Variants in PYURF observed in about 807,000 individuals in gnomAD.
The protein encoded by PYURF is PIGY upstream open reading frame.
Under a neutral mutation model 8.0 loss-of-function variants are expected in PYURF, and 9 were observed. That is an observed-to-expected ratio of 1.13 (90% CI 0.68 to 1.97). PYURF has a LOEUF of 1.97. Ranked by LOEUF, PYURF falls within the 30% of genes most tolerant of loss-of-function variation. PYURF has a pLI of 0.00. For synonymous variants in PYURF, 56 were observed against 68.3 expected (o/e 0.82, Z 0.89); for missense variants, 130 against 158.0 (o/e 0.82, Z 0.95).
At position 88,521,309 on chromosome 4, in the gene PYURF, C is replaced by A. The variant is rs1174993471; in HGVS notation, c.*579G>T. ...GGAATAAGAAATAGTCATCACATGT[C>A]AATTAGGGATGTTCATCTCCAACCA... On this transcript the variant is annotated 3_prime_UTR_variant, in exon 2 of 2. Coordinates refer to ENST00000273968, the MANE Select transcript of PYURF (RefSeq NM_032906.5). 5 of 416,926 alleles carry A rather than the reference C, an allele frequency of 1.2e-5. No homozygotes were observed. The highest frequency in any genetic ancestry group is 1.3e-5 in the Non-Finnish European group (3 of 231,892). The allele number at this position is 416,926 out of a possible 1,614,324, so 25.8% of individuals were successfully genotyped here.
At chr4:88,523,423 C>G (rs1742452343) in intron 1 of PYURF, 75 bp downstream of exon 1, 5 of 1,481,610 alleles carry the variant, frequency 3.4e-6, no homozygotes, top group Non-Finnish European at 4.6e-6. Flanking sequence ...CCAGTGGCTG[C>G]AAGAGGCCGC....
chr4:88,523,422 G>C (rs965337661), intron 1 of PYURF, 76 bp downstream of exon 1: 1 of 1,471,658 alleles, frequency 6.8e-7, no homozygotes, highest in Non-Finnish European at 9.3e-7. Context: ...CCCAGTGGCT[G>C]CAAGAGGCCG....
At position 88,521,833 on chromosome 4, in the gene PYURF, T is replaced by C. The variant is rs1439465992; in HGVS notation, c.*55A>G. 6.3e-7 allele frequency: 1 copy of C among 1,582,866 alleles called. No homozygotes were observed. Among genetic ancestry groups the C allele is most frequent in the Non-Finnish European group, 8.6e-7 (1 of 1,164,640 alleles). On this transcript the variant is annotated 3_prime_UTR_variant, in exon 2 of 2. Coordinates refer to ENST00000273968, the MANE Select transcript of PYURF (RefSeq NM_032906.5). ...ACCTGCCACTGTGTTTTAAAAGGTA[T>C]ATGGTATTAAGAAAAGTTGGCTGTT...
In PYURF at chr4:88,521,523, C is replaced by A. The variant is rs1019759306; in HGVS notation, c.*365G>T. The A allele has an allele frequency of 8.1e-6, 12 of 1,474,128 alleles. No homozygotes were observed. Among genetic ancestry groups the A allele is most frequent in the African/African-American group, 2.8e-5 (2 of 71,722 alleles). 91.3% of individuals were successfully genotyped at this position (1,474,128 alleles called of 1,614,324 possible). A position where few individuals can be genotyped will look rare whatever the true frequency, so the allele number is the denominator to read the frequency against. ...TCCATCCATTTGAGCTTTCAGAGAT[C>A]GATGCCCAAGAGCTATCATTAATAT... On this transcript the variant is annotated 3_prime_UTR_variant, in exon 2 of 2. Coordinates refer to ENST00000273968, the MANE Select transcript of PYURF (RefSeq NM_032906.5).
chr4:88,521,548 T>C lies in PYURF; in HGVS notation c.*340A>G. On this transcript the variant is annotated 3_prime_UTR_variant, in exon 2 of 2. Transcript: ENST00000273968. ...CGATGCCCAAGAGCTATCATTAATA[T>C]ATACAGCATATTGACTCTAGTTGCA... 1.9e-6 allele frequency: 3 copies of C among 1,551,418 alleles called. No individual in the cohort carries two copies. Among genetic ancestry groups the C allele is most frequent in the Non-Finnish European group, 2.7e-6 (3 of 1,124,456 alleles).
Position 88,521,848 on chromosome 4 carries a change from A to G in PYURF, c.*40T>C. 1 of 1,564,608 alleles carries G rather than the reference A, an allele frequency of 6.4e-7. No homozygotes were observed. The highest frequency in any genetic ancestry group is 8.6e-7 in the Non-Finnish European group (1 of 1,156,266). On this transcript the variant is annotated 3_prime_UTR_variant, in exon 2 of 2. Transcript: ENST00000273968. ...TTAAAAGGTATATGGTATTAAGAAA[A>G]GTTGGCTGTTGCGTTTTTTTAATTT...
chr4:88,522,580 G>T (rs1742409611), intron 1 of PYURF, among the ~76,000 whole-genome samples: 2 of 152,140 alleles, frequency 1.3e-5, no homozygotes, highest in African/African-American at 4.8e-5. Context: ...CGAGAAAATT[G>T]AATAATATGT....
In PYURF at chr4:88,523,716, G is replaced by C. The variant is rs1280225032; in HGVS notation, c.-16C>G. 2.1e-6 allele frequency: 3 copies of C among 1,440,302 alleles called. No homozygotes were observed. The highest frequency in any genetic ancestry group is 1.4e-5 in the South Asian group (1 of 69,246). 89.2% of individuals were successfully genotyped at this position (1,440,302 alleles called of 1,614,324 possible). On this transcript the variant is annotated 5_prime_UTR_variant, in exon 1 of 2. Transcript: ENST00000273968. ...CACTCAGCATGGTCTGGCAGCCGGA[G>C]ACCAGGCCTCACCGCAGCCTCGCCA... is the stretch of plus-strand genomic sequence containing the variant.
chr4:88,521,956 T>C lies in PYURF; in HGVS notation c.277A>G (p.Asn93Asp). 6.4e-7 allele frequency: 1 copy of C among 1,551,490 alleles called. No individual in the cohort carries two copies. The highest frequency in any genetic ancestry group is 1.7e-4 in the Middle Eastern group (1 of 5,990). ...IAYPIIDGIPNMIPQAARMTR... is the reference protein window; with the variant it reads ...IAYPIIDGIPDMIPQAARMTR... ...ATCCTAGCTGCCTGTGGTATCATAT[T>C]AGGGATCCCATCAATGATTGGATAA... Residue 93 changes from asparagine (N) to aspartate (D), a missense_variant, in exon 2 of 2, where the codon AAT becomes GAT. By Grantham distance (23) the Asn-to-Asp change is conservative. Coordinates refer to ENST00000273968, the MANE Select transcript of PYURF (RefSeq NM_032906.5).
chr4:88,522,138 T>G, intron 1 of PYURF, 109 bp from the exon 2 acceptor site: 1 of 974,910 alleles, frequency 1.0e-6, no homozygotes, highest in South Asian at 1.9e-5. Flanking sequence ...ACGGAGTTAA[T>G]CCCAGAATAG....
chr4:88,523,459 CG>C (rs1337066843), intron 1 of PYURF, 38 bp downstream of exon 1: 33 of 1,548,024 alleles, frequency 2.1e-5, no homozygotes, highest in Middle Eastern at 1.7e-4. Context: ...TTCCGCCCAC[CG>C]GGAGGCTGCA....
intron 1 of PYURF, among the ~76,000 whole-genome samples, chr4:88,522,296 A>T (rs534363567): frequency 6.6e-6 from 1 of 151,984 alleles, no homozygotes; most frequent in East Asian, 1.9e-4. Flanking sequence ...ATTTTTTTTC[A>T]TACTAGTCAG....
intron 1 of PYURF, 118 bp downstream of exon 1, chr4:88,523,380 G>A (rs1742449764): frequency 2.9e-6 from 3 of 1,050,970 alleles, no homozygotes; most frequent in Non-Finnish European, 2.8e-6. Flanking sequence ...CCAGAATGTG[G>A]CAGCGGAGAG....
In PYURF at chr4:88,523,693, C is replaced by G; in HGVS notation, c.8G>C (p.Ser3Thr). ML[S>T]GARCRLASAL... ...TGAGGCGAGCCTGCAGCGTGCTCCA[C>G]TCAGCATGGTCTGGCAGCCGGAGAC... Residue 3 changes from serine (S) to threonine (T), a missense_variant, in exon 1 of 2, where the codon AGT becomes ACT. Coordinates refer to ENST00000273968, the MANE Select transcript of PYURF (RefSeq NM_032906.5). The G allele has an allele frequency of 2.0e-6, 3 of 1,486,802 alleles. No homozygotes were observed. The highest frequency in any genetic ancestry group is 1.3e-5 in the South Asian group (1 of 75,676). 92.1% of individuals were successfully genotyped at this position (1,486,802 alleles called of 1,614,324 possible).
At position 88,523,521 on chromosome 4, in the gene PYURF, G is replaced by C; in HGVS notation, c.180C>G (p.Cys60Trp). Residue 60 changes from cysteine (C) to tryptophan (W), a missense_variant, in exon 1 of 2, where the codon TGC becomes TGG. Physicochemically the swap from Cys to Trp is radical, Grantham distance 215. Coordinates refer to ENST00000273968, the MANE Select transcript of PYURF (RefSeq NM_032906.5). ...FDPALLEFLV[C>W]PLSKKPLRYE... ...ACCTGAGCGGCTTCTTGGAGAGCGG[G>C]CACACCAGGAACTCCAGCAGCGCCG... The C allele has an allele frequency of 6.4e-7, 1 of 1,551,276 alleles. No homozygotes were observed. Among genetic ancestry groups the C allele is most frequent in the Non-Finnish European group, 8.7e-7 (1 of 1,146,868 alleles).
In PYURF at chr4:88,523,773, C is replaced by T; in HGVS notation, c.-73G>A. On this transcript the variant is annotated 5_prime_UTR_variant, in exon 1 of 2. Coordinates refer to ENST00000273968, the MANE Select transcript of PYURF (RefSeq NM_032906.5). ...GCCGAGCTCCCGGCTTCCCGTTCGTCCAGGCCAGCCGGGCAGGCCCCGCCC... is the reference window on the plus strand; with the variant it reads ...GCCGAGCTCCCGGCTTCCCGTTCGTTCAGGCCAGCCGGGCAGGCCCCGCCC... 8 of 1,353,080 alleles carry T rather than the reference C, an allele frequency of 5.9e-6. No homozygotes were observed. In the South Asian group the frequency reaches 1.1e-4, roughly 19 times the overall value. 83.8% of individuals were successfully genotyped at this position (1,353,080 alleles called of 1,614,324 possible). A position where few individuals can be genotyped will look rare whatever the true frequency, so the allele number is the denominator to read the frequency against.
Position 88,521,862 on chromosome 4 carries a change from T to G in PYURF, c.*26A>C, listed in dbSNP as rs532404474. 193 of 1,541,958 alleles carry G rather than the reference T, an allele frequency of 1.3e-4. No individual in the cohort carries two copies. The African/African-American group carries it at 2.4e-3, about 20-fold the overall frequency. On this transcript the variant is annotated 3_prime_UTR_variant, in exon 2 of 2. Coordinates refer to ENST00000273968, the MANE Select transcript of PYURF (RefSeq NM_032906.5). The stretch of plus-strand genomic sequence containing the variant: ...GTATTAAGAAAAGTTGGCTGTTGCG[T>G]TTTTTTAATTTTTTTAAATTATGAA...
intron 1 of PYURF, among the ~76,000 whole-genome samples, 188 bp from the exon 2 acceptor site, chr4:88,522,217 T>C (rs1036815876): frequency 6.6e-6 from 1 of 152,246 alleles, no homozygotes. Context: ...TCTTACAATC[T>C]ATAATTATTC....
rs1578078521 is a variant in PYURF at position 88,523,572 on chromosome 4, A to G, written c.129T>C (p.Thr43=). 6.4e-7 allele frequency: 1 copy of G among 1,550,492 alleles called. No individual in the cohort carries two copies. The highest frequency in any genetic ancestry group is 8.7e-7 in the Non-Finnish European group (1 of 1,146,834). The change falls in exon 1 of 2, where the codon ACT becomes ACC. Residue 43 remains threonine, a synonymous_variant. Coordinates refer to ENST00000273968, the MANE Select transcript of PYURF (RefSeq NM_032906.5). ...GATCGAAGTCGCGGGGCGGCTCCTC[A>G]GTCTTCTTGCCCCGGTCGGCCAAAG... ...SRPLADRGKK[T]EEPPRDFDPA... is the part of the protein sequence containing the mutation.
Sources: allele counts gnomAD v4.1 joint callset (sites outside exome capture counted in the v4.1 genomes callset), GRCh38; gene constraint gnomAD v4.1.1; transcripts MANE v1.5; gene names NCBI Gene and HGNC (gene_info 2026-07-23, HGNC 2026-07-21).